The following ARMC9 variants were observed in gnomAD, a reference collection of about 807,000 sequenced individuals.
ARMC9 encodes the protein armadillo repeat containing 9.
A neutral mutation model predicts 107.0 loss-of-function variants in ARMC9; 94 were observed. That is an observed-to-expected ratio of 0.88 (90% CI 0.74 to 1.04). The LOEUF (loss-of-function observed/expected upper bound fraction) is 1.04, where lower values mean the gene tolerates loss of function less well. Among genes scored for constraint, ARMC9 ranks in the 50% least tolerant of loss-of-function variants. The probability of loss-of-function intolerance (pLI) is 0.00; values close to 1 mark genes in which losing one functional copy is unlikely to be tolerated. For synonymous variants in ARMC9, 380 were observed against 396.9 expected, an observed-to-expected ratio of 0.96 and a Z score of 0.51; for missense variants, 942 against 1,030.1, an observed-to-expected ratio of 0.91 and a Z score of 1.17.
chr2:231,230,964 G>T (rs1330443013), intron 7 of ARMC9, among the ~76,000 whole-genome samples: 1 of 152,156 alleles, frequency 6.6e-6, no homozygotes. Flanking sequence ...CAGCCCTATT[G>T]CCTGCTTCTC....
At chr2:231,264,123 A>G (rs2038635014) in intron 12 of ARMC9, among the ~76,000 whole-genome samples, 1 of 152,162 alleles carries the variant, frequency 6.6e-6, no homozygotes, top group African/African-American at 2.4e-5. Flanking sequence ...AGTGACCTCT[A>G]TAGCCATTGA....
intron 19 of ARMC9, among the ~76,000 whole-genome samples, chr2:231,330,229 C>CTT (rs201716312): frequency 0.11 from 15,215 of 134,700 alleles, 1,139 homozygotes; most frequent in African/African-American, 0.2. Context: ...CTTTTTCTTT[C>CTT]TTTTTTTTTT....
chr2:231,208,910 T>G (rs1446770831), intron 3 of ARMC9, among the ~76,000 whole-genome samples: 1 of 151,752 alleles, frequency 6.6e-6, no homozygotes, highest in Non-Finnish European at 1.5e-5. Context: ...TTCTTTTTCT[T>G]TTTTTTTGAG....
chr2:231,234,623 TCTCA>T (rs1450583262), intron 7 of ARMC9, among the ~76,000 whole-genome samples: 1 of 151,916 alleles, frequency 6.6e-6, no homozygotes, highest in Non-Finnish European at 1.5e-5. Context: ...TGAGACAGAG[TCTCA>T]CTCTGTTGCC....
intron 22 of ARMC9, among the ~76,000 whole-genome samples, chr2:231,357,726 A>G (rs939061267): frequency 1.3e-5 from 2 of 152,086 alleles, no homozygotes; most frequent in African/African-American, 4.8e-5. Context: ...ATGCACCACC[A>G]TACCAGGCAA....
At chr2:231,316,147 CAT>C (rs1032772403) in intron 19 of ARMC9, among the ~76,000 whole-genome samples, 238 of 138,486 alleles carry the variant, frequency 1.7e-3, no homozygotes, top group African/African-American at 6.7e-3. Context: ...AAAGAAGGAA[CAT>C]GTGTGTATGT....
chr2:231,351,175 G>A (rs1362928897), intron 21 of ARMC9, among the ~76,000 whole-genome samples: 2 of 148,050 alleles, frequency 1.4e-5, no homozygotes, highest in South Asian at 2.2e-4. Flanking sequence ...GGATGGTCTC[G>A]ATCTCCTGAC....
Position 231,306,753 on chromosome 2 carries a change from G to GA in ARMC9, c.1773+10512dup, listed in dbSNP as rs367829775. Among the ~76,000 whole-genome samples the GA allele has an allele frequency of 7.8e-3, 1,111 of 142,420 alleles. 6 individuals are homozygous for GA. Among genetic ancestry groups the GA allele is most frequent in the South Asian group, 0.012 (55 of 4,484 alleles). The allele number at this position is 142,420 out of a possible 152,430, so 93.4% of individuals were successfully genotyped here. On this transcript the variant is annotated intron_variant, in intron 19 of 24. Transcript: ENST00000611582. ...GAGGCCTAAGAACTCAGGCAAGGAGGAAAAAAAAAAAATAGAACTCAGGCA... is the reference window on the plus strand; with the variant it reads ...GAGGCCTAAGAACTCAGGCAAGGAGGAAAAAAAAAAAAATAGAACTCAGGCA...
chr2:231,369,744 C>A (rs1382532823), intron 23 of ARMC9, among the ~76,000 whole-genome samples: 1 of 152,086 alleles, frequency 6.6e-6, no homozygotes, highest in African/African-American at 2.4e-5. Context: ...CAGGTGCCCG[C>A]CACCGCGCCC....
At chr2:231,218,195 G>A (rs1179663323) in intron 5 of ARMC9, among the ~76,000 whole-genome samples, 1 of 152,104 alleles carries the variant, frequency 6.6e-6, no homozygotes, top group Non-Finnish European at 1.5e-5. Context: ...CAGGCCTTTT[G>A]TAGAGTAGCC....
chr2:231,207,924 A>G (rs919277728), intron 2 of ARMC9, among the ~76,000 whole-genome samples: 3 of 151,972 alleles, frequency 2.0e-5, no homozygotes, highest in Non-Finnish European at 4.4e-5. Context: ...TGTAATAGCC[A>G]TTCTGACAGG....
intron 1 of ARMC9, among the ~76,000 whole-genome samples, chr2:231,201,231 A>G (rs543190534): frequency 4.6e-5 from 7 of 152,202 alleles, no homozygotes; most frequent in Admixed American, 2.0e-4. Flanking sequence ...CCTGCTCCTC[A>G]TTACTGCTTC....
intron 2 of ARMC9, among the ~76,000 whole-genome samples, chr2:231,207,031 G>A (rs2032113003): frequency 6.6e-6 from 1 of 152,198 alleles, no homozygotes; most frequent in Admixed American, 6.5e-5. Context: ...TAGAGACAAG[G>A]TCTTGTTCTG....
chr2:231,338,069 CT>C (rs1403651405), intron 20 of ARMC9, among the ~76,000 whole-genome samples: 2 of 152,166 alleles, frequency 1.3e-5, no homozygotes, highest in African/African-American at 2.4e-5. Context: ...TAGCGTGGCC[CT>C]GCCTGCCAGA....
chr2:231,341,659 TAGATAGA>T (rs2044518774), intron 20 of ARMC9, among the ~76,000 whole-genome samples: 1 of 150,894 alleles, frequency 6.6e-6, no homozygotes, highest in African/African-American at 2.5e-5. Flanking sequence ...GATAGATAGA[TAGATAGA>T]TAGATAGATA....
At chr2:231,371,291 G>C (rs542168789) in intron 24 of ARMC9, among the ~76,000 whole-genome samples, 7 of 152,334 alleles carry the variant, frequency 4.6e-5, no homozygotes, top group African/African-American at 1.7e-4. Context: ...AAACACGTGA[G>C]CTGTTGCCAG....
chr2:231,315,671 G>A (rs1004966753), intron 19 of ARMC9, among the ~76,000 whole-genome samples: 3 of 152,096 alleles, frequency 2.0e-5, no homozygotes, highest in African/African-American at 7.2e-5. Context: ...CTTTATAGTA[G>A]GTTTCAAAAC....
At chr2:231,238,638 C>G (rs2035994590) in intron 8 of ARMC9, among the ~76,000 whole-genome samples, 1 of 152,212 alleles carries the variant, frequency 6.6e-6, no homozygotes, top group African/African-American at 2.4e-5. Flanking sequence ...CAGGCATGAG[C>G]CACTATGCCA....
chr2:231,244,838 G>A (rs1052591780), intron 9 of ARMC9, among the ~76,000 whole-genome samples: 1 of 152,274 alleles, frequency 6.6e-6, no homozygotes, highest in African/African-American at 2.4e-5. Flanking sequence ...GTCTTCTCTG[G>A]TGGGCTCTGC....
Sources: gnomAD v4.1 joint callset for allele counts (sites outside exome capture counted in the v4.1 genomes callset) on GRCh38, gnomAD v4.1.1 for gene constraint, MANE v1.5 for transcripts, NCBI Gene and HGNC (gene_info 2026-07-23, HGNC 2026-07-21) for gene names.